EBF1: variants seen among roughly 807,000 people sequenced by gnomAD.
The protein encoded by EBF1 is transcription factor COE1.
A neutral mutation model predicts 68.4 loss-of-function variants in EBF1; 10 were observed. The ratio of observed to expected loss-of-function variants is 0.15; its 90% CI spans 0.09 to 0.25. EBF1 has a LOEUF of 0.25. EBF1 is among the 10% of genes least tolerant of loss of function. EBF1 has a pLI of 1.00. For missense variants in EBF1, 509 were observed against 794.4 expected, an observed-to-expected ratio of 0.64 and a Z score of 4.32; for synonymous variants, 298 against 299.8, an observed-to-expected ratio of 0.99 and a Z score of 0.06.
At chr5:158,731,813 C>T (rs1764153434) in intron 10 of EBF1, among the ~76,000 whole-genome samples, 1 of 152,194 alleles carries the variant, frequency 6.6e-6, no homozygotes, top group South Asian at 2.1e-4. Context: ...CTGTGAAGTA[C>T]TAGCTTAGAG....
At chr5:158,872,719 A>G (rs1797097139) in intron 6 of EBF1, among the ~76,000 whole-genome samples, 1 of 152,192 alleles carries the variant, frequency 6.6e-6, no homozygotes, top group African/African-American at 2.4e-5. Flanking sequence ...TAGATGAAAC[A>G]ATGATCTTAT....
chr5:159,073,279 G>T, intron 6 of EBF1, 117 bp downstream of exon 6: 1 of 1,077,330 alleles, frequency 9.3e-7, no homozygotes, highest in Non-Finnish European at 1.4e-6. Flanking sequence ...CGTAAGTCAT[G>T]ACCAACAGGC....
chr5:158,770,435 T>C (rs978279217), intron 10 of EBF1, among the ~76,000 whole-genome samples: 7 of 152,148 alleles, frequency 4.6e-5, no homozygotes, highest in African/African-American at 1.4e-4. Flanking sequence ...GTTCCCAAAA[T>C]GTAAACCTGG....
At chr5:158,725,602 G>A (rs1224200449) in intron 11 of EBF1, among the ~76,000 whole-genome samples, 6 of 152,246 alleles carry the variant, frequency 3.9e-5, no homozygotes, top group Non-Finnish European at 4.4e-5. Flanking sequence ...GCAAAAGGCT[G>A]CTCATCTGGC....
intron 6 of EBF1, among the ~76,000 whole-genome samples, chr5:158,927,693 G>A (rs936647559): frequency 2.0e-5 from 3 of 152,156 alleles, no homozygotes; most frequent in Non-Finnish European, 4.4e-5. Context: ...TAGATAAGAT[G>A]AGGCAAAGAA....
chr5:158,880,479 A>G (rs1012474240), intron 6 of EBF1, among the ~76,000 whole-genome samples: 2 of 152,164 alleles, frequency 1.3e-5, no homozygotes, highest in African/African-American at 4.8e-5. Flanking sequence ...ACGCTGGTAC[A>G]TTCCCACACT....
In EBF1 at chr5:158,893,756, A is replaced by G. The variant is rs147245220; in HGVS notation, c.555-53646T>C. On this transcript the variant is annotated intron_variant, in intron 6 of 15. Coordinates refer to ENST00000313708, the MANE Select transcript of EBF1 (RefSeq NM_024007.5). ...AAGTATATTCTCCACAAGACAGACA[A>G]GAAGAGGCAGGAGACTTTAAGTTAC... Among the ~76,000 whole-genome samples, 943 of 152,310 alleles carry G rather than the reference A, an allele frequency of 6.2e-3. 13 individuals are homozygous for G. The highest frequency in any genetic ancestry group is 0.021 in the African/African-American group (890 of 41,576).
intron 6 of EBF1, among the ~76,000 whole-genome samples, chr5:158,857,402 G>A (rs1794242328): frequency 6.6e-6 from 1 of 151,916 alleles, no homozygotes; most frequent in South Asian, 2.1e-4. Flanking sequence ...TCATGTCTCT[G>A]TTGCCCCTAA....
intron 6 of EBF1, among the ~76,000 whole-genome samples, chr5:158,840,645 GTTTTTTTTTT>G (rs534374216): frequency 3.1e-5 from 2 of 64,778 alleles, no homozygotes; most frequent in African/African-American, 5.6e-5. Flanking sequence ...AATACCTCCT[GTTTTTTTTTT>G]TTTTTTTTTT....
chr5:158,802,342 G>C lies in EBF1; in HGVS notation c.779-5867C>G, dbSNP rs1330425873. 3.3e-5 allele frequency among the ~76,000 whole-genome samples: 5 copies of C among 152,088 alleles called. No homozygotes were observed. In the East Asian group the frequency reaches 7.7e-4, roughly 23 times the overall value. ...TCCATTCCTGTATCTAAATACACTG[G>C]AGAAACAACACTCTGTGAGTTGATA... is the stretch of plus-strand genomic sequence containing the variant. On this transcript the variant is annotated intron_variant, in intron 8 of 15. Transcript: ENST00000313708.
intron 6 of EBF1, among the ~76,000 whole-genome samples, chr5:159,049,161 A>T (rs1486743594): frequency 6.6e-6 from 1 of 152,218 alleles, no homozygotes; most frequent in Non-Finnish European, 1.5e-5. Flanking sequence ...AGAACAGTAA[A>T]GGGGAAAAAA....
At chr5:158,749,509 G>A (rs1768305087) in intron 10 of EBF1, among the ~76,000 whole-genome samples, 1 of 152,020 alleles carries the variant, frequency 6.6e-6, no homozygotes, top group African/African-American at 2.4e-5. Flanking sequence ...GGTGTGGAAG[G>A]CACCACCAAA....
intron 9 of EBF1, among the ~76,000 whole-genome samples, chr5:158,780,934 G>A (rs2568983): frequency 0.23 from 34,620 of 152,134 alleles, 4,292 homozygotes; most frequent in East Asian, 0.4. Flanking sequence ...TTAGAGAACA[G>A]ATTCATTCTT....
chr5:159,007,988 G>T (rs1763890150), intron 6 of EBF1, among the ~76,000 whole-genome samples: 1 of 152,136 alleles, frequency 6.6e-6, no homozygotes, highest in Non-Finnish European at 1.5e-5. Context: ...CATACCAAGT[G>T]AACAATGATC....
intron 10 of EBF1, among the ~76,000 whole-genome samples, chr5:158,775,765 CACACACACATGCACACAG>C (rs1775019235): frequency 1.4e-5 from 2 of 139,222 alleles, no homozygotes; most frequent in Admixed American, 1.5e-4. Flanking sequence ...CACACACACA[CACACACACATGCACACAG>C]ACACACACAC....
intron 6 of EBF1, among the ~76,000 whole-genome samples, chr5:158,869,117 T>C (rs1007827775): frequency 1.3e-5 from 2 of 152,132 alleles, no homozygotes; most frequent in African/African-American, 4.8e-5. Context: ...TGTGTGTATG[T>C]GTGTAAAAGT....
At chr5:159,006,332 G>A (rs1198191264) in intron 6 of EBF1, among the ~76,000 whole-genome samples, 1 of 152,000 alleles carries the variant, frequency 6.6e-6, no homozygotes, top group Non-Finnish European at 1.5e-5. Context: ...AGTATTTAGT[G>A]GGGATGACAC....
chr5:158,716,438 G>C (rs1760726232), intron 11 of EBF1, among the ~76,000 whole-genome samples: 5 of 152,152 alleles, frequency 3.3e-5, no homozygotes, highest in Admixed American at 3.3e-4. Flanking sequence ...TAGGTCATCA[G>C]TACAGCATCA....
intron 6 of EBF1, among the ~76,000 whole-genome samples, chr5:159,003,081 C>T (rs1762878763): frequency 6.6e-6 from 1 of 152,158 alleles, no homozygotes; most frequent in Non-Finnish European, 1.5e-5. Flanking sequence ...GTTCCATTTG[C>T]CCTTTTATCA....
Sources: gnomAD v4.1 joint callset for allele counts (sites outside exome capture counted in the v4.1 genomes callset) on GRCh38, gnomAD v4.1.1 for gene constraint, MANE v1.5 for transcripts, NCBI Gene and HGNC (gene_info 2026-07-23, HGNC 2026-07-21) for gene names.